Variants in GRID1 observed in about 807,000 individuals in gnomAD.
GRID1 encodes glutamate ionotropic receptor delta type subunit 1, also known as glutamate receptor ionotropic, delta-1.
GRID1 carries 28 observed loss-of-function variants against 98.0 expected under a neutral mutation model. The observed-to-expected ratio is 0.29, with a 90% CI of 0.21 to 0.39. The LOEUF (loss-of-function observed/expected upper bound fraction) is 0.39. Among genes scored for constraint, GRID1 ranks in the 10% least tolerant of loss-of-function variants. The pLI, the probability that GRID1 is intolerant of heterozygous loss-of-function variation, is 1.00. For synonymous variants in GRID1, 553 were observed against 538.5 expected (o/e 1.03, Z -0.37); for missense variants, 1,111 against 1,340.5 (o/e 0.83, Z 2.67).
intron 14 of GRID1, among the ~76,000 whole-genome samples, chr10:85,616,595 A>T (rs1054847252): frequency 6.6e-6 from 1 of 152,220 alleles, no homozygotes; most frequent in Non-Finnish European, 1.5e-5. Flanking sequence ...TCCCAGAATG[A>T]TAGTAAGGCA....
At chr10:86,179,715 GC>G (rs1033327415) in intron 3 of GRID1, among the ~76,000 whole-genome samples, 30 of 152,100 alleles carry the variant, frequency 2.0e-4, no homozygotes, top group Non-Finnish European at 3.2e-4. Flanking sequence ...GACTCTCCTA[GC>G]CCAAACCAGT....
intron 15 of GRID1, among the ~76,000 whole-genome samples, chr10:85,611,274 G>A (rs967385670): frequency 1.3e-5 from 2 of 152,172 alleles, no homozygotes; most frequent in African/African-American, 2.4e-5. Flanking sequence ...TGTCCAAACC[G>A]TCACTAAACT....
intron 2 of GRID1, among the ~76,000 whole-genome samples, chr10:86,219,887 C>T (rs1317921878): frequency 6.6e-6 from 1 of 152,198 alleles, no homozygotes; most frequent in Admixed American, 6.5e-5. Flanking sequence ...ATGCTCCCCC[C>T]GGGAGGCAGC....
At chr10:85,988,964 C>G (rs865787217) in intron 4 of GRID1, among the ~76,000 whole-genome samples, 9 of 152,172 alleles carry the variant, frequency 5.9e-5, no homozygotes, top group Non-Finnish European at 5.9e-5. Context: ...CAGGGTGAGT[C>G]AGGTCACAGG....
chr10:85,789,615 T>C (rs1284731902), intron 8 of GRID1, among the ~76,000 whole-genome samples: 1 of 152,130 alleles, frequency 6.6e-6, no homozygotes, highest in Non-Finnish European at 1.5e-5. Context: ...CTTTCAGCTG[T>C]AGCTTTATGA....
At chr10:86,276,443 G>A (rs750948174) in intron 2 of GRID1, among the ~76,000 whole-genome samples, 1 of 151,504 alleles carries the variant, frequency 6.6e-6, no homozygotes, top group Non-Finnish European at 1.5e-5. Flanking sequence ...AGTACTGTGT[G>A]TCAGGACTTC....
At chr10:86,304,083 T>C (rs1286670600) in intron 2 of GRID1, among the ~76,000 whole-genome samples, 2 of 152,212 alleles carry the variant, frequency 1.3e-5, no homozygotes, top group African/African-American at 4.8e-5. Flanking sequence ...TCTCTGCTCT[T>C]ACCCCACTCA....
At chr10:85,931,653 T>C (rs1389826108) in intron 4 of GRID1, among the ~76,000 whole-genome samples, 1 of 152,216 alleles carries the variant, frequency 6.6e-6, no homozygotes, top group Non-Finnish European at 1.5e-5. Context: ...AATAATAGCA[T>C]TTTTGAAGTT....
intron 8 of GRID1, among the ~76,000 whole-genome samples, chr10:85,797,448 A>T (rs1374530940): frequency 6.6e-6 from 1 of 151,520 alleles, no homozygotes; most frequent in Non-Finnish European, 1.5e-5. Context: ...TACTTTTTTG[A>T]GACCAAGTTT....
chr10:85,625,054 T>A (rs1842894607), intron 13 of GRID1, among the ~76,000 whole-genome samples: 1 of 152,204 alleles, frequency 6.6e-6, no homozygotes, highest in Non-Finnish European at 1.5e-5. Flanking sequence ...AATAATAGGA[T>A]GAACAGATTA....
At chr10:85,946,687 A>T (rs994288637) in intron 4 of GRID1, among the ~76,000 whole-genome samples, 18 of 152,202 alleles carry the variant, frequency 1.2e-4, no homozygotes, top group Admixed American at 9.2e-4. Context: ...TGCGGGGGGA[A>T]GAATCCCCAG....
chr10:85,664,891 T>A (rs1841002677), intron 12 of GRID1, among the ~76,000 whole-genome samples: 1 of 152,192 alleles, frequency 6.6e-6, no homozygotes, highest in Non-Finnish European at 1.5e-5. Context: ...AGTTTCCTCA[T>A]AAGCAATCAG....
chr10:86,228,829 C>T (rs531468572), intron 2 of GRID1, among the ~76,000 whole-genome samples: 1 of 152,280 alleles, frequency 6.6e-6, no homozygotes, highest in South Asian at 2.1e-4. Context: ...ACTTGGCAAC[C>T]AGTTCATTGC....
chr10:85,718,643 G>T (rs898941019), intron 12 of GRID1, among the ~76,000 whole-genome samples: 1 of 152,196 alleles, frequency 6.6e-6, no homozygotes, highest in Non-Finnish European at 1.5e-5. Context: ...TTTCAGCCAT[G>T]GTGGGAGCAT....
At chr10:85,897,360 A>G (rs545415527) in intron 5 of GRID1, among the ~76,000 whole-genome samples, 87 of 152,196 alleles carry the variant, frequency 5.7e-4, no homozygotes, top group Non-Finnish European at 9.7e-4. Flanking sequence ...TTGGCTGGGA[A>G]GTTCTCTGTG....
intron 2 of GRID1, among the ~76,000 whole-genome samples, chr10:86,291,598 T>C (rs1847513207): frequency 6.6e-6 from 1 of 152,206 alleles, no homozygotes; most frequent in African/African-American, 2.4e-5. Context: ...TTCTCCTGAA[T>C]GTTGGGCTGC....
chr10:86,344,425 C>A (rs568581493), intron 2 of GRID1, among the ~76,000 whole-genome samples: 60 of 152,314 alleles, frequency 3.9e-4, no homozygotes, highest in African/African-American at 1.4e-3. Context: ...TCAGAGACTT[C>A]GCCCTATCCC....
chr10:85,715,103 T>C (rs1841624046), intron 12 of GRID1, among the ~76,000 whole-genome samples: 1 of 152,184 alleles, frequency 6.6e-6, no homozygotes, highest in Admixed American at 6.5e-5. Flanking sequence ...AGTCAATTGA[T>C]CTTTGACAAA....
intron 12 of GRID1, among the ~76,000 whole-genome samples, chr10:85,656,219 G>C (rs1840893599): frequency 6.6e-6 from 1 of 152,212 alleles, no homozygotes; most frequent in Non-Finnish European, 1.5e-5. Context: ...CCAACCAGTA[G>C]CATTTGACAG....
Sources: allele counts gnomAD v4.1 joint callset (sites outside exome capture counted in the v4.1 genomes callset), GRCh38; gene constraint gnomAD v4.1.1; transcripts MANE v1.5; gene names NCBI Gene and HGNC (gene_info 2026-07-23, HGNC 2026-07-21).